ZNF324B: variants seen among roughly 807,000 people sequenced by gnomAD.
ZNF324B encodes zinc finger protein 324B.
ZNF324B carries 7 observed loss-of-function variants against 10.6 expected under a neutral mutation model. That is an observed-to-expected ratio of 0.66 (90% CI 0.38 to 1.24). The LOEUF (loss-of-function observed/expected upper bound fraction) is 1.24. Ranked by LOEUF, ZNF324B falls within the 50% of genes most tolerant of loss-of-function variation. The pLI is 0.02. For synonymous variants in ZNF324B, 316 were observed against 321.0 expected, an observed-to-expected ratio of 0.98 and a Z score of 0.17; for missense variants, 640 against 764.7, an observed-to-expected ratio of 0.84 and a Z score of 1.92.
the ZNF324B span, among the ~76,000 whole-genome samples, chr19:58,424,952 A>G: frequency 6.6e-6 from 1 of 152,318 alleles, no homozygotes; most frequent in East Asian, 1.9e-4. Flanking sequence ...CATTTGAGAT[A>G]GTCAAAAGTT....
the ZNF324B span, among the ~76,000 whole-genome samples, chr19:58,423,561 A>C: frequency 6.6e-6 from 1 of 152,238 alleles, no homozygotes; most frequent in South Asian, 2.1e-4. Context: ...CCACAGAATT[A>C]GAAAAAGTTC....
upstream of ZNF324B, among the ~76,000 whole-genome samples, chr19:58,450,548 T>C (rs1039830323): frequency 6.6e-5 from 10 of 152,154 alleles, no homozygotes; most frequent in Non-Finnish European, 5.9e-5. Flanking sequence ...CAATAGTACT[T>C]AAGTGTTCTT....
At chr19:58,427,335 C>CTT in the ZNF324B span, among the ~76,000 whole-genome samples, 2 of 96,768 alleles carry the variant, frequency 2.1e-5, no homozygotes, top group Non-Finnish European at 3.8e-5. Context: ...TTCTTTCTTT[C>CTT]TTTCTTTCTC....
chr19:58,436,889 G>T, the ZNF324B span: 1 of 970,934 alleles, frequency 1.0e-6, no homozygotes, highest in South Asian at 1.3e-5. Context: ...AGAGACAGGG[G>T]AAGTACACAC....
the ZNF324B span, among the ~76,000 whole-genome samples, chr19:58,427,456 T>TC: frequency 1.9e-3 from 146 of 75,988 alleles, 7 homozygotes; most frequent in Non-Finnish European, 2.5e-3. Flanking sequence ...TCCTTTCCCT[T>TC]CCTTCCTTCC....
At chr19:58,452,589 G>A (rs1199122731) in intron 1 of ZNF324B, 4 of 471,336 alleles carry the variant, frequency 8.5e-6, no homozygotes, top group African/African-American at 2.1e-5. Context: ...TGGAAGAAGA[G>A]AGCTGCTGTA....
chr19:58,437,743 G>C, the ZNF324B span: 3 of 985,322 alleles, frequency 3.0e-6, no homozygotes, highest in Non-Finnish European at 3.6e-6. Flanking sequence ...ATGCAACCGG[G>C]ATCCATTCCT....
At chr19:58,427,460 T>TTC in the ZNF324B span, among the ~76,000 whole-genome samples, 122 of 90,898 alleles carry the variant, frequency 1.3e-3, 3 homozygotes, top group Middle Eastern at 3.7e-3. Flanking sequence ...TTCCCTTCCT[T>TTC]CCTTCCTTCC....
chr19:58,454,677 G>A (rs1474651720), intron 3 of ZNF324B: 2 of 560,668 alleles, frequency 3.6e-6, no homozygotes, highest in Non-Finnish European at 6.3e-6. Flanking sequence ...AGGGCTTGTG[G>A]GCATTGTAGA....
the ZNF324B span, among the ~76,000 whole-genome samples, chr19:58,421,795 T>C: frequency 6.6e-6 from 1 of 152,238 alleles, no homozygotes; most frequent in Non-Finnish European, 1.5e-5. Context: ...GCTGAGAGAC[T>C]GATTGAAGAA....
At chr19:58,432,235 G>A in the ZNF324B span, 9 of 495,114 alleles carry the variant, frequency 1.8e-5, no homozygotes, top group South Asian at 1.0e-4. Flanking sequence ...TACCTGGGGA[G>A]TGATGGGTGC....
the ZNF324B span, among the ~76,000 whole-genome samples, chr19:58,431,432 C>T: frequency 4.6e-5 from 7 of 152,166 alleles, no homozygotes; most frequent in African/African-American, 1.4e-4. Flanking sequence ...GCCCAGGCCA[C>T]CCTTCTTTTC....
the ZNF324B span, among the ~76,000 whole-genome samples, chr19:58,425,347 G>A: frequency 6.6e-6 from 1 of 151,966 alleles, no homozygotes; most frequent in East Asian, 1.9e-4. Flanking sequence ...GCCTACCAAA[G>A]TGCTGGGATT....
At chr19:58,434,368 C>T in the ZNF324B span, 1 of 1,614,248 alleles carries the variant, frequency 6.2e-7, no homozygotes, top group Non-Finnish European at 8.5e-7. Flanking sequence ...GAGGTGTGAT[C>T]TGTTACTGAA....
At chr19:58,453,932 A>AC (rs2052887203) in intron 2 of ZNF324B, 110 bp downstream of exon 2, 16 of 1,476,930 alleles carry the variant, frequency 1.1e-5, no homozygotes, top group African/African-American at 1.4e-5. Flanking sequence ...GCCACGTGGA[A>AC]CAAGGGTCTG....
At chr19:58,453,351 C>T (rs2052880715) in intron 1 of ZNF324B, 1 of 360,164 alleles carries the variant, frequency 2.8e-6, no homozygotes, top group South Asian at 2.5e-5. Flanking sequence ...ATTACAAAAG[C>T]AAGAAGGGCA....
At chr19:58,429,008 T>G in the ZNF324B span, 2 of 152,222 alleles carry the variant, frequency 1.3e-5, no homozygotes, top group African/African-American at 4.8e-5. Flanking sequence ...ACCCCATTCT[T>G]CAGAGCTAGC....
chr19:58,429,612 G>A, the ZNF324B span: 1 of 152,264 alleles, frequency 6.6e-6, no homozygotes, highest in Non-Finnish European at 1.5e-5. Flanking sequence ...TGATCTGCCT[G>A]CCTCAGCTTC....
At chr19:58,434,059 C>G in the ZNF324B span, 1 of 1,613,738 alleles carries the variant, frequency 6.2e-7, no homozygotes. Context: ...TCCACATTCA[C>G]TGCACTCAAA....
Sources: gnomAD v4.1 joint callset for allele counts (sites outside exome capture counted in the v4.1 genomes callset) on GRCh38, gnomAD v4.1.1 for gene constraint, MANE v1.5 for transcripts, NCBI Gene and HGNC (gene_info 2026-07-23, HGNC 2026-07-21) for gene names.